The following STXBP5 variants were observed in gnomAD, a reference collection of about 807,000 sequenced individuals.
STXBP5 encodes the protein syntaxin-binding protein 5.
STXBP5 carries 50 observed loss-of-function variants against 152.4 expected under a neutral mutation model. That is an observed-to-expected ratio of 0.33 (90% CI 0.26 to 0.42). The LOEUF (loss-of-function observed/expected upper bound fraction) is 0.42. Ranked by LOEUF, STXBP5 falls within the 10% of genes least tolerant of loss-of-function variation. The pLI, the probability that STXBP5 is intolerant of heterozygous loss-of-function variation, is 1.00. For synonymous variants in STXBP5, 492 were observed against 494.7 expected (o/e 0.99, Z 0.07); for missense variants, 1,167 against 1,388.6 (o/e 0.84, Z 2.54).
Position 147,363,366 on chromosome 6 carries a change from G to T in STXBP5, c.2577G>T (p.Leu859Phe). Residue 859 changes from leucine to phenylalanine, a missense_variant, in exon 24 of 28, where the codon TTG (leucine) becomes TTT (phenylalanine). Coordinates refer to ENST00000321680, the MANE Select transcript of STXBP5 (RefSeq NM_001127715.4). Reference sequence around the variant, plus strand: ...TATTGAGGTTAAAAGGTGCAATCTTGAGAATGGCATTTCTGGATACCACAG... The same window carrying T: ...TATTGAGGTTAAAAGGTGCAATCTTTAGAATGGCATTTCTGGATACCACAG... The part of the protein sequence containing the change: ...GTILRLKGAI[L>F]RMAFLDTTGC... 1 of 1,607,506 alleles carries T rather than the reference G, an allele frequency of 6.2e-7. No individual in the cohort carries two copies.
chr6:147,209,110 T>C (rs959276293), intron 2 of STXBP5, among the ~76,000 whole-genome samples: 2 of 152,136 alleles, frequency 1.3e-5, no homozygotes, highest in Non-Finnish European at 2.9e-5. Flanking sequence ...CCTGATCTTA[T>C]TTTTAAAGTA....
intron 7 of STXBP5, among the ~76,000 whole-genome samples, chr6:147,277,359 A>T (rs1365652204): frequency 6.6e-6 from 1 of 152,140 alleles, no homozygotes; most frequent in African/African-American, 2.4e-5. Flanking sequence ...CTAAAATTGT[A>T]TCAACTTGAG....
intron 2 of STXBP5, among the ~76,000 whole-genome samples, chr6:147,212,653 G>A (rs1776915360): frequency 6.6e-6 from 1 of 152,132 alleles, no homozygotes; most frequent in South Asian, 2.1e-4. Flanking sequence ...CTGAGTTCCT[G>A]TTAAAGAGAA....
intron 21 of STXBP5, among the ~76,000 whole-genome samples, chr6:147,348,553 T>G (rs1429378792): frequency 2.6e-5 from 4 of 152,200 alleles, no homozygotes. Flanking sequence ...TTACCAAAGT[T>G]ACATATGTTT....
chr6:147,235,793 G>A (rs1033343734), intron 3 of STXBP5, among the ~76,000 whole-genome samples: 7 of 152,158 alleles, frequency 4.6e-5, no homozygotes, highest in African/African-American at 1.7e-4. Flanking sequence ...ATTGCTTTAA[G>A]TAATTGATGT....
At chr6:147,383,035 T>G in intron 27 of STXBP5, 37 bp downstream of exon 27, 49 of 1,601,218 alleles carry the variant, frequency 3.1e-5, no homozygotes, top group Non-Finnish European at 4.0e-5. Flanking sequence ...CAAAAAGCTC[T>G]AGGTAAAGCA....
chr6:147,244,650 T>G (rs1228799387), intron 4 of STXBP5, among the ~76,000 whole-genome samples: 1 of 152,164 alleles, frequency 6.6e-6, no homozygotes, highest in Non-Finnish European at 1.5e-5. Context: ...TTAGAATCAG[T>G]GAAATACAGT....
In STXBP5 at chr6:147,266,933, C is replaced by G. The variant is rs920864603; in HGVS notation, c.631-151C>G. On this transcript the variant is annotated intron_variant, in intron 6 of 27. Transcript: ENST00000321680. ...ATACAGTGTTCTCATTTGTCATTTA[C>G]GTGATTACTAATTAGCAATGCAGAT... The G allele has an allele frequency of 9.2e-6, 6 of 648,982 alleles. No homozygotes were observed. In the African/African-American group the frequency reaches 1.1e-4, roughly 12 times the overall value. The allele number at this position is 648,982 out of a possible 1,614,324, so 40.2% of individuals were successfully genotyped here. A position where few individuals can be genotyped will look rare whatever the true frequency, so the allele number is the denominator to read the frequency against.
At chr6:147,340,001 G>A in intron 21 of STXBP5, among the ~76,000 whole-genome samples, 1 of 151,932 alleles carries the variant, frequency 6.6e-6, no homozygotes, top group Non-Finnish European at 1.5e-5. Context: ...CAAACTTTGA[G>A]GACATAATCA....
intron 26 of STXBP5, among the ~76,000 whole-genome samples, chr6:147,376,660 T>A (rs1785825230): frequency 6.6e-6 from 1 of 151,722 alleles, no homozygotes; most frequent in Admixed American, 6.6e-5. Flanking sequence ...CTACAAAAAA[T>A]TTAAAAATTT....
intron 23 of STXBP5, among the ~76,000 whole-genome samples, chr6:147,360,024 C>T (rs1366832185): frequency 6.6e-6 from 1 of 152,260 alleles, no homozygotes; most frequent in East Asian, 1.9e-4. Flanking sequence ...GACATTTATG[C>T]AGCCAAAAAA....
intron 25 of STXBP5, among the ~76,000 whole-genome samples, chr6:147,369,059 C>T (rs1423977248): frequency 1.3e-5 from 2 of 151,624 alleles, no homozygotes; most frequent in Non-Finnish European, 2.9e-5. Context: ...AATGGAAGGG[C>T]TAACACTACC....
intron 2 of STXBP5, among the ~76,000 whole-genome samples, chr6:147,235,034 T>C (rs1398182959): frequency 6.6e-6 from 1 of 152,092 alleles, no homozygotes; most frequent in African/African-American, 2.4e-5. Flanking sequence ...TTCATTTTCT[T>C]CTAATTTGCT....
chr6:147,214,950 T>G (rs2115052531), intron 2 of STXBP5, among the ~76,000 whole-genome samples: 1 of 152,286 alleles, frequency 6.6e-6, no homozygotes, highest in African/African-American at 2.4e-5. Context: ...TCAGTAAGGA[T>G]CATAGGGTGG....
At chr6:147,272,748 T>C (rs116893444) in intron 7 of STXBP5, among the ~76,000 whole-genome samples, 2,961 of 152,314 alleles carry the variant, frequency 0.019, 75 homozygotes, top group Admixed American at 0.058. Flanking sequence ...CTAATATAAT[T>C]CAAGTTCTAC....
rs1438486629 is a variant in STXBP5 at position 147,204,774 on chromosome 6, A to G, written c.150+92A>G. The stretch of plus-strand genomic sequence containing the variant: ...CGGGCTTTACATGGGAATGCAAGGG[A>G]AGAGAACGCCAATAATAATAATAAT... On this transcript the variant is annotated intron_variant, in intron 1 of 27. Transcript: ENST00000321680. This position sits in a 1 kb window ranked among gnomAD's most constrained non-coding sequence, Gnocchi z 4.3. The G allele has an allele frequency of 7.0e-5, 89 of 1,276,938 alleles. No individual in the cohort carries two copies. The highest frequency in any genetic ancestry group is 9.2e-5 in the Non-Finnish European group (88 of 954,574). 79.1% of individuals were successfully genotyped at this position (1,276,938 alleles called of 1,614,324 possible). A position where few individuals can be genotyped will look rare whatever the true frequency, so the allele number is the denominator to read the frequency against.
chr6:147,338,657 A>G (rs939708848), intron 19 of STXBP5, among the ~76,000 whole-genome samples: 4 of 151,678 alleles, frequency 2.6e-5, no homozygotes, highest in Non-Finnish European at 5.9e-5. Context: ...ATCTACAAAT[A>G]TAAGTATTAT....
intron 21 of STXBP5, among the ~76,000 whole-genome samples, chr6:147,350,208 T>C (rs994429715): frequency 6.6e-6 from 1 of 152,146 alleles, no homozygotes; most frequent in East Asian, 1.9e-4. Context: ...ATATTTAGTA[T>C]TTTTTACATA....
chr6:147,379,011 C>T (rs566106340), intron 26 of STXBP5, among the ~76,000 whole-genome samples: 39 of 152,040 alleles, frequency 2.6e-4, no homozygotes, highest in African/African-American at 8.4e-4. Context: ...AGAGGCCATC[C>T]GCATTCCTTG....
Sources: gnomAD v4.1 joint callset for allele counts (sites outside exome capture counted in the v4.1 genomes callset) on GRCh38, gnomAD v4.1.1 for gene constraint, Gnocchi (gnomAD v3.1) non-coding constraint, MANE v1.5 for transcripts, NCBI Gene and HGNC (gene_info 2026-07-23, HGNC 2026-07-21) for gene names.